The following MOB4 variants were observed in gnomAD, a reference collection of about 807,000 sequenced individuals.
The protein encoded by MOB4 is MOB-like protein phocein.
A neutral mutation model predicts 32.2 loss-of-function variants in MOB4; 4 were observed. The ratio of observed to expected loss-of-function variants is 0.12; its 90% CI spans 0.06 to 0.28. The LOEUF is 0.28. MOB4 is among the 10% of genes least tolerant of loss of function. The pLI is 1.00. For synonymous variants in MOB4, 88 were observed against 88.1 expected (o/e 1.00, Z 0.01); for missense variants, 158 against 271.2 (o/e 0.58, Z 2.93).
intron 1 of MOB4, among the ~76,000 whole-genome samples, chr2:197,518,170 G>A (rs1306057318): frequency 6.6e-6 from 1 of 151,898 alleles, no homozygotes; most frequent in Non-Finnish European, 1.5e-5. Context: ...CTATAGGAGA[G>A]TAGGTGGAGT....
chr2:197,535,653 T>C, intron 3 of MOB4, 23 bp downstream of exon 3: 2 of 1,585,872 alleles, frequency 1.3e-6, no homozygotes, highest in Non-Finnish European at 1.7e-6. Context: ...ATCAAAATAC[T>C]AATAGTACCT....
At chr2:197,520,833 G>A (rs1446904348) in intron 1 of MOB4, among the ~76,000 whole-genome samples, 1 of 147,628 alleles carries the variant, frequency 6.8e-6, no homozygotes, top group Non-Finnish European at 1.5e-5. Context: ...TGAGGCTGGA[G>A]GATTGTTTGT....
At position 197,550,858 on chromosome 2, in the gene MOB4, A is replaced by G. The variant is rs1293958493; in HGVS notation, c.*212A>G. 2.8e-6 allele frequency: 1 copy of G among 362,942 alleles called. No individual in the cohort carries two copies. Among genetic ancestry groups the G allele is most frequent in the Non-Finnish European group, 4.5e-6 (1 of 222,832 alleles). 22.5% of individuals were successfully genotyped at this position (362,942 alleles called of 1,614,324 possible). A position where few individuals can be genotyped will look rare whatever the true frequency, so the allele number is the denominator to read the frequency against. On this transcript the variant is annotated 3_prime_UTR_variant, in exon 8 of 8. Transcript: ENST00000323303. The stretch of plus-strand genomic sequence containing the variant: ...GTGGCACTCATGGTTTTTAAATAAG[A>G]TTAGTATTATCTGTTTATAATGCCT...
chr2:197,546,219 G>GC (rs2086990520), intron 5 of MOB4, among the ~76,000 whole-genome samples: 1 of 151,438 alleles, frequency 6.6e-6, no homozygotes, highest in Admixed American at 6.6e-5. Context: ...CTGCCACTGC[G>GC]CACAGCTAAT....
In MOB4 at chr2:197,551,598, T is replaced by C. The variant is rs1239458726; in HGVS notation, c.*952T>C. On this transcript the variant is annotated 3_prime_UTR_variant, in exon 8 of 8. Transcript: ENST00000323303. Reference sequence around the variant, plus strand: ...ATAGTTTGACTCTTCCTGTTAGTAATATATTAATCTTTCATTTAACCAGCT... The same window carrying C: ...ATAGTTTGACTCTTCCTGTTAGTAACATATTAATCTTTCATTTAACCAGCT... 1 of 152,760 alleles carries C rather than the reference T, an allele frequency of 6.5e-6. No homozygotes were observed. Among genetic ancestry groups the C allele is most frequent in the Non-Finnish European group, 1.5e-5 (1 of 68,034 alleles). The allele number at this position is 152,760 out of a possible 1,614,324, so 9.5% of individuals were successfully genotyped here. A position where few individuals can be genotyped will look rare whatever the true frequency, so the allele number is the denominator to read the frequency against.
intron 2 of MOB4, among the ~76,000 whole-genome samples, chr2:197,525,020 T>C (rs999959011): frequency 5.2e-4 from 79 of 152,078 alleles, no homozygotes; most frequent in African/African-American, 1.8e-3. Flanking sequence ...AAATCGAGGC[T>C]GTTTGGCTTC....
chr2:197,528,049 A>G (rs993670306), intron 2 of MOB4, among the ~76,000 whole-genome samples: 5 of 152,134 alleles, frequency 3.3e-5, no homozygotes, highest in Non-Finnish European at 7.3e-5. Context: ...TACGTTTGAA[A>G]TAAGTTTCTT....
intron 2 of MOB4, among the ~76,000 whole-genome samples, chr2:197,526,990 A>C (rs970461168): frequency 6.6e-6 from 1 of 152,036 alleles, no homozygotes; most frequent in African/African-American, 2.4e-5. Context: ...GAATTTTGCA[A>C]TGTTGCCCAG....
intron 5 of MOB4, among the ~76,000 whole-genome samples, chr2:197,543,089 C>T (rs890269276): frequency 1.3e-5 from 2 of 152,040 alleles, no homozygotes; most frequent in East Asian, 1.9e-4. Context: ...GTCAGGAGTT[C>T]GAGACCAGCC....
In MOB4 at chr2:197,517,420, T is replaced by A. The variant is rs139202148; in HGVS notation, c.60+1274T>A. ...TTGCTTTTTACCGTTTCCACACTTT[T>A]CTTCCTCATGCTCTTTTCTCAGATA... On this transcript the variant is annotated intron_variant, in intron 1 of 7. Transcript: ENST00000323303. Among the ~76,000 whole-genome samples the A allele has an allele frequency of 2.8e-3, 427 of 152,352 alleles. 3 individuals are homozygous for A. Among genetic ancestry groups the A allele is most frequent in the South Asian group, 8.3e-3 (40 of 4,834 alleles).
At chr2:197,529,454 C>T (rs1370763580) in intron 2 of MOB4, among the ~76,000 whole-genome samples, 4 of 151,856 alleles carry the variant, frequency 2.6e-5, no homozygotes, top group Non-Finnish European at 2.9e-5. Flanking sequence ...TGGGTTCAAT[C>T]GATTCTCCTG....
At chr2:197,549,963 A>G (rs1461554205) in intron 6 of MOB4, among the ~76,000 whole-genome samples, 1 of 152,278 alleles carries the variant, frequency 6.6e-6, no homozygotes, top group Non-Finnish European at 1.5e-5. Flanking sequence ...CTAGTGGACA[A>G]TGTATTAATG....
At chr2:197,528,712 T>C (rs2086650078) in intron 2 of MOB4, among the ~76,000 whole-genome samples, 1 of 150,434 alleles carries the variant, frequency 6.6e-6, no homozygotes, top group Non-Finnish European at 1.5e-5. Flanking sequence ...ACCTCCTGGG[T>C]TCAGGCCATT....
intron 1 of MOB4, among the ~76,000 whole-genome samples, chr2:197,521,232 G>A (rs1290356529): frequency 6.6e-6 from 1 of 152,140 alleles, no homozygotes; most frequent in Non-Finnish European, 1.5e-5. Context: ...GCGTCCGGGG[G>A]AGACATCACA....
chr2:197,515,959 C>T (rs1474773342), upstream of MOB4: 6 of 953,836 alleles, frequency 6.3e-6, no homozygotes, highest in African/African-American at 3.5e-5. Flanking sequence ...GCTCCCGGCG[C>T]AGGCTGCAGC....
intron 2 of MOB4, among the ~76,000 whole-genome samples, chr2:197,528,472 T>C (rs1028470444): frequency 6.6e-6 from 1 of 152,254 alleles, no homozygotes; most frequent in East Asian, 1.9e-4. Context: ...GAAAACCCCA[T>C]CGTTAATCAT....
At chr2:197,526,671 T>C (rs2106111464) in intron 2 of MOB4, among the ~76,000 whole-genome samples, 1 of 152,304 alleles carries the variant, frequency 6.6e-6, no homozygotes, top group Non-Finnish European at 1.5e-5. Flanking sequence ...GTGAAGTTGT[T>C]AGGCCCAGGG....
At chr2:197,540,532 C>G in intron 5 of MOB4, 95 bp downstream of exon 5, 1 of 1,191,112 alleles carries the variant, frequency 8.4e-7, no homozygotes, top group South Asian at 2.2e-5. Context: ...TTTTAGTTCA[C>G]TGTTCATTTT....
At chr2:197,518,014 G>A (rs555874389) in intron 1 of MOB4, among the ~76,000 whole-genome samples, 1 of 151,828 alleles carries the variant, frequency 6.6e-6, no homozygotes, top group South Asian at 2.1e-4. Flanking sequence ...GGTGGCGGGC[G>A]CCTGTAATCC....
Sources: gnomAD v4.1 joint callset for allele counts (sites outside exome capture counted in the v4.1 genomes callset) on GRCh38, gnomAD v4.1.1 for gene constraint, MANE v1.5 for transcripts, NCBI Gene and HGNC (gene_info 2026-07-23, HGNC 2026-07-21) for gene names.